Variants in MICAL2 observed in about 807,000 individuals in gnomAD.
MICAL2 encodes the protein microtubule associated monooxygenase, calponin and LIM domain containing 2.
MICAL2 carries 77 observed loss-of-function variants against 127.3 expected under a neutral mutation model. That is an observed-to-expected ratio of 0.60 (90% CI 0.50 to 0.73). MICAL2 has a LOEUF of 0.73. Ranked by LOEUF, MICAL2 falls within the 30% of genes least tolerant of loss-of-function variation. The probability of loss-of-function intolerance (pLI) is 0.00; values close to 1 mark genes in which losing one functional copy is unlikely to be tolerated. For missense variants in MICAL2, 1,351 were observed against 1,434.4 expected, an observed-to-expected ratio of 0.94 and a Z score of 0.94; for synonymous variants, 570 against 551.1, an observed-to-expected ratio of 1.03 and a Z score of -0.48.
rs754823790 is a variant in MICAL2, at chr11:12,319,747, C to T, written c.5264C>T (p.Ala1755Val). The T allele has an allele frequency of 3.1e-6, 5 of 1,614,126 alleles. No individual in the cohort carries two copies. In the South Asian group the frequency reaches 5.5e-5, roughly 18 times the overall value. Reference sequence around the variant, plus strand: ...CAGGTAACAGAGGCTTCCTCTTCTGCCTCTTCAACCTCCTCCTCCTCTGCA... The same window carrying T: ...CAGGTAACAGAGGCTTCCTCTTCTGTCTCTTCAACCTCCTCCTCCTCTGCA... Residue 1755 changes from alanine (A) to valine (V), a missense_variant, in exon 30 of 35, where the codon GCC becomes GTC. By Grantham distance (64) the Ala-to-Val change is moderately conservative. Transcript: ENST00000646065.
chr11:12,287,997 G>A (rs144555653), downstream of MICAL2, among the ~76,000 whole-genome samples: 304 of 151,926 alleles, frequency 2.0e-3, 1 homozygote, highest in African/African-American at 6.9e-3. Context: ...CGTTGTTGCA[G>A]TTGGAACTGA....
At chr11:12,312,854 C>G (rs1325641650) in intron 29 of MICAL2, among the ~76,000 whole-genome samples, 1 of 152,102 alleles carries the variant, frequency 6.6e-6, no homozygotes, top group Non-Finnish European at 1.5e-5. Context: ...GCAGGATCGT[C>G]TCTGGAATAG....
At chr11:12,167,897 T>G (rs941009218) in intron 3 of MICAL2, among the ~76,000 whole-genome samples, 2 of 152,226 alleles carry the variant, frequency 1.3e-5, no homozygotes, top group Non-Finnish European at 2.9e-5. Context: ...CAATGTCATA[T>G]GGAGAAGAAA....
chr11:12,289,394 C>T (rs377399956), downstream of MICAL2, among the ~76,000 whole-genome samples: 8 of 152,294 alleles, frequency 5.3e-5, no homozygotes, highest in African/African-American at 1.9e-4. Context: ...TGGAGAAATC[C>T]TGGCTGGGTA....
intron 32 of MICAL2, among the ~76,000 whole-genome samples, chr11:12,344,557 A>G (rs1019651484): frequency 7.4e-5 from 11 of 148,120 alleles, no homozygotes; most frequent in African/African-American, 2.0e-4. Flanking sequence ...CTGGAGTGCA[A>G]TGGTGCAATC....
intron 2 of MICAL2, among the ~76,000 whole-genome samples, chr11:12,141,442 A>C (rs981496901): frequency 6.6e-6 from 1 of 152,032 alleles, no homozygotes; most frequent in Non-Finnish European, 1.5e-5. Context: ...CCTCCTCCTC[A>C]TGTGGTCAGA....
chr11:12,118,041 T>G lies in MICAL2; in HGVS notation c.-149+7315T>G, dbSNP rs145433042. On this transcript the variant is annotated intron_variant, in intron 1 of 27. Transcript: ENST00000683283. ...CTGGAGTTGCCACACATTACTGTTG[T>G]GAAGGAGGAGTAGGAGGAAGCACTG... 2.6e-5 allele frequency among the ~76,000 whole-genome samples: 4 copies of G among 152,228 alleles called. No individual in the cohort carries two copies. In the East Asian group the frequency reaches 7.8e-4, roughly 30 times the overall value.
intron 2 of MICAL2, among the ~76,000 whole-genome samples, chr11:12,160,830 C>G (rs1383876030): frequency 6.6e-6 from 1 of 152,162 alleles, no homozygotes; most frequent in Non-Finnish European, 1.5e-5. Flanking sequence ...GAGTGGTGCC[C>G]GACTCTTGCT....
downstream of MICAL2, among the ~76,000 whole-genome samples, chr11:12,289,715 C>G: frequency 6.6e-6 from 1 of 151,958 alleles, no homozygotes; most frequent in East Asian, 1.9e-4. Flanking sequence ...ACCACAGGCG[C>G]GCACCACCAT....
At chr11:12,141,617 TC>T (rs1469448195) in intron 2 of MICAL2, among the ~76,000 whole-genome samples, 4 of 152,196 alleles carry the variant, frequency 2.6e-5, no homozygotes, top group Non-Finnish European at 4.4e-5. Flanking sequence ...CTCTTAGAGA[TC>T]TAAGGAGTGA....
intron 3 of MICAL2, among the ~76,000 whole-genome samples, chr11:12,183,806 G>A (rs960750162): frequency 6.6e-6 from 1 of 151,928 alleles, no homozygotes; most frequent in African/African-American, 2.4e-5. Context: ...TTTGAGACAG[G>A]GTCTCACTCT....
At chr11:12,260,027 G>A in intron 26 of MICAL2, 130 bp downstream of exon 26, 1 of 1,546,718 alleles carries the variant, frequency 6.5e-7, no homozygotes, top group Non-Finnish European at 8.7e-7. Flanking sequence ...TACAACTACT[G>A]CTACATGTAC....
chr11:12,330,974 T>TGACAGAGGG (rs1565307464), intron 32 of MICAL2, among the ~76,000 whole-genome samples: 6 of 150,840 alleles, frequency 4.0e-5, no homozygotes, highest in Non-Finnish European at 1.5e-5. Flanking sequence ...TTGACAGAGG[T>TGACAGAGGG]AAGAGAGTCC....
chr11:12,194,085 G>A (rs1391355808), intron 3 of MICAL2, among the ~76,000 whole-genome samples: 5 of 152,194 alleles, frequency 3.3e-5, no homozygotes, highest in South Asian at 2.1e-4. Flanking sequence ...AGTGGCCCCC[G>A]GCCATGGCAC....
At chr11:12,304,453 A>T (rs1864084845) in intron 29 of MICAL2, among the ~76,000 whole-genome samples, 1 of 152,062 alleles carries the variant, frequency 6.6e-6, no homozygotes, top group African/African-American at 2.4e-5. Flanking sequence ...CAACATGGAG[A>T]AATCCCATCT....
At chr11:12,258,659 G>T in intron 25 of MICAL2, 103 bp downstream of exon 25, 1 of 1,013,320 alleles carries the variant, frequency 9.9e-7, no homozygotes, top group Non-Finnish European at 1.5e-6. Context: ...TAGAGGGATT[G>T]AGATGACTCA....
downstream of MICAL2, among the ~76,000 whole-genome samples, chr11:12,268,027 A>C (rs1361620753): frequency 6.6e-6 from 1 of 152,212 alleles, no homozygotes; most frequent in Non-Finnish European, 1.5e-5. Context: ...ACAGAATTGC[A>C]CTTAGCACAT....
At chr11:12,125,501 G>T (rs938714254) in intron 1 of MICAL2, among the ~76,000 whole-genome samples, 2 of 152,056 alleles carry the variant, frequency 1.3e-5, no homozygotes, top group African/African-American at 4.8e-5. Context: ...TGATCTGCCC[G>T]CCTCGGCCTC....
chr11:12,222,002 C>A (rs1856867704), intron 10 of MICAL2, among the ~76,000 whole-genome samples: 1 of 152,194 alleles, frequency 6.6e-6, no homozygotes, highest in African/African-American at 2.4e-5. Context: ...AAAGAGAAAT[C>A]TTCATCTAGG....
Sources: gnomAD v4.1 joint callset for allele counts (sites outside exome capture counted in the v4.1 genomes callset) on GRCh38, gnomAD v4.1.1 for gene constraint, MANE v1.5 for transcripts, NCBI Gene and HGNC (gene_info 2026-07-23, HGNC 2026-07-21) for gene names.